DPP10: variants seen among roughly 807,000 people sequenced by gnomAD.
DPP10 encodes the protein dipeptidyl peptidase like 10, also known as inactive dipeptidyl peptidase 10.
Under a neutral mutation model 120.9 loss-of-function variants are expected in DPP10, and 33 were observed. The ratio of observed to expected loss-of-function variants is 0.27; its 90% CI spans 0.21 to 0.37. The LOEUF (loss-of-function observed/expected upper bound fraction) is 0.37. DPP10 is among the 10% of genes least tolerant of loss of function. The pLI is 1.00. For synonymous variants in DPP10, 337 were observed against 326.1 expected (o/e 1.03, Z -0.36); for missense variants, 816 against 942.8 (o/e 0.87, Z 1.76).
intron 2 of DPP10, among the ~76,000 whole-genome samples, chr2:115,314,141 T>A (rs1223150735): frequency 2.0e-5 from 3 of 152,182 alleles, no homozygotes; most frequent in African/African-American, 7.2e-5. Context: ...TGGCCTGTTT[T>A]AAGAACAAAG....
intron 3 of DPP10, among the ~76,000 whole-genome samples, chr2:115,453,549 TA>T (rs781562535): frequency 6.6e-6 from 1 of 151,616 alleles, no homozygotes; most frequent in Non-Finnish European, 1.5e-5. Context: ...AATATATTTC[TA>T]AAAGAGGTCA....
chr2:114,945,245 A>T (rs1487032622), intron 1 of DPP10, among the ~76,000 whole-genome samples: 2 of 152,224 alleles, frequency 1.3e-5, no homozygotes. Context: ...GTTGCATTTT[A>T]TTAAAAGTAA....
intron 1 of DPP10, among the ~76,000 whole-genome samples, chr2:115,057,837 C>T (rs1457118830): frequency 6.6e-6 from 1 of 152,082 alleles, no homozygotes; most frequent in Non-Finnish European, 1.5e-5. Flanking sequence ...TTATGTTGGT[C>T]CAATATTGCT....
intron 3 of DPP10, among the ~76,000 whole-genome samples, chr2:115,437,030 CCTGA>C (rs1358679182): frequency 6.6e-6 from 1 of 152,002 alleles, no homozygotes; most frequent in Non-Finnish European, 1.5e-5. Flanking sequence ...TAAGTAATCA[CCTGA>C]CTATGTGACG....
chr2:114,541,394 T>G (rs1177312178), intron 1 of DPP10, among the ~76,000 whole-genome samples: 1 of 152,142 alleles, frequency 6.6e-6, no homozygotes, highest in African/African-American at 2.4e-5. Flanking sequence ...GCTTCCCCCT[T>G]AGGAAGACCC....
intron 1 of DPP10, among the ~76,000 whole-genome samples, chr2:114,802,575 T>C (rs976837228): frequency 8.5e-5 from 13 of 152,200 alleles, no homozygotes; most frequent in Non-Finnish European, 1.5e-4. Context: ...TTTTCGGGGC[T>C]GTTGAGTGTT....
At chr2:114,929,679 CA>C (rs1403882607) in intron 1 of DPP10, among the ~76,000 whole-genome samples, 2 of 152,172 alleles carry the variant, frequency 1.3e-5, no homozygotes, top group East Asian at 3.9e-4. Context: ...ATATTGTTCA[CA>C]CATGTTTTAC....
chr2:114,788,025 T>G (rs1399474582), intron 1 of DPP10, among the ~76,000 whole-genome samples: 1 of 152,206 alleles, frequency 6.6e-6, no homozygotes, highest in Admixed American at 6.5e-5. Context: ...CATATTATCA[T>G]GTCATCATCA....
At chr2:114,980,986 G>T (rs1050210623) in intron 1 of DPP10, among the ~76,000 whole-genome samples, 6 of 144,834 alleles carry the variant, frequency 4.1e-5, no homozygotes, top group African/African-American at 1.5e-4. Flanking sequence ...GAAATATGTT[G>T]TGTCATTTTT....
chr2:115,547,326 T>G, intron 5 of DPP10, among the ~76,000 whole-genome samples: 1 of 152,196 alleles, frequency 6.6e-6, no homozygotes, highest in East Asian at 1.9e-4. Context: ...TTATGAAAAC[T>G]TCAAGATTTG....
intron 1 of DPP10, among the ~76,000 whole-genome samples, chr2:114,504,178 T>G (rs887124007): frequency 1.3e-5 from 2 of 152,220 alleles, no homozygotes; most frequent in African/African-American, 4.8e-5. Context: ...ATTTTAGAAT[T>G]TTGTTGACAT....
Position 115,402,875 on chromosome 2 carries a change from A to ATATATATATG in DPP10, c.271+58964_271+58965insATATATATGT, listed in dbSNP as rs1167991546. Among the ~76,000 whole-genome samples the ATATATATATG allele has an allele frequency of 2.6e-4, 32 of 125,224 alleles. 1 individual carries two copies. The highest frequency in any genetic ancestry group is 9.2e-4 in the African/African-American group (29 of 31,394). The allele number at this position is 125,224 out of a possible 152,430, so 82.2% of individuals were successfully genotyped here. ...AAAAAATATATATATATATATATATATGTGTGTGTGTGTGTGTATATATAT... is the reference window on the plus strand; with the variant it reads ...AAAAAATATATATATATATATATATATATATATATGTGTGTGTGTGTGTGTGTATATATAT... On this transcript the variant is annotated intron_variant, in intron 3 of 25. Coordinates refer to ENST00000410059, the MANE Select transcript of DPP10 (RefSeq NM_020868.6).
At chr2:115,309,616 C>CTTACAGACTTACTATGTGTTAG (rs2061499577) in intron 2 of DPP10, among the ~76,000 whole-genome samples, 1 of 152,040 alleles carries the variant, frequency 6.6e-6, no homozygotes, top group Non-Finnish European at 1.5e-5. Context: ...TCCATTGCCA[C>CTTACAGACTTACTATGTGTTAG]TTACAGACTT....
chr2:115,757,144 A>G (rs898490947), intron 11 of DPP10, among the ~76,000 whole-genome samples: 2 of 152,016 alleles, frequency 1.3e-5, no homozygotes, highest in African/African-American at 4.8e-5. Context: ...ACATCCCTGT[A>G]CTCCTTAGAA....
intron 1 of DPP10, among the ~76,000 whole-genome samples, chr2:114,648,436 A>C (rs1696305533): frequency 6.6e-6 from 1 of 152,154 alleles, no homozygotes; most frequent in South Asian, 2.1e-4. Context: ...CATGATCTTC[A>C]TCCCAGTATT....
intron 5 of DPP10, among the ~76,000 whole-genome samples, chr2:115,669,394 G>A (rs1396437036): frequency 6.6e-6 from 1 of 152,046 alleles, no homozygotes; most frequent in Non-Finnish European, 1.5e-5. Context: ...ATGCAAACGG[G>A]AAAAATTAAA....
rs558738798 is a variant in DPP10, at chr2:115,646,940, A to G, written c.442-42747A>G. Reference sequence around the variant, plus strand: ...TTAATCTCAGCAGATGAGGGAGGTAATTTCGTTTGAGGTCACCAAAACTGT... The same window carrying G: ...TTAATCTCAGCAGATGAGGGAGGTAGTTTCGTTTGAGGTCACCAAAACTGT... On this transcript the variant is annotated intron_variant, in intron 5 of 25. Coordinates refer to ENST00000410059, the MANE Select transcript of DPP10 (RefSeq NM_020868.6). Among the ~76,000 whole-genome samples, 19 of 152,258 alleles carry G rather than the reference A, an allele frequency of 1.2e-4. No homozygotes were observed. In the South Asian group the frequency reaches 3.9e-3, roughly 32 times the overall value.
At chr2:115,307,487 G>T (rs1235057390) in intron 1 of DPP10, among the ~76,000 whole-genome samples, 8 of 152,046 alleles carry the variant, frequency 5.3e-5, no homozygotes. Flanking sequence ...GCTTCTGTTA[G>T]AGTTAATAAA....
chr2:114,501,396 T>C (rs10176814), intron 1 of DPP10, among the ~76,000 whole-genome samples: 19,316 of 152,190 alleles, frequency 0.13, 2,922 homozygotes, highest in African/African-American at 0.37. Flanking sequence ...CTTTGTGTTT[T>C]GATGAACAAG....
Sources: gnomAD v4.1 joint callset for allele counts (sites outside exome capture counted in the v4.1 genomes callset) on GRCh38, gnomAD v4.1.1 for gene constraint, MANE v1.5 for transcripts, NCBI Gene and HGNC (gene_info 2026-07-23, HGNC 2026-07-21) for gene names.